The following ACSF3 variants were observed in gnomAD, a reference collection of about 807,000 sequenced individuals.
The protein encoded by ACSF3 is malonate--CoA ligase ACSF3, mitochondrial.
ACSF3 carries 78 observed loss-of-function variants against 53.2 expected under a neutral mutation model. The observed-to-expected ratio is 1.47, with a 90% CI of 1.22 to 1.77. The LOEUF (loss-of-function observed/expected upper bound fraction) is 1.77, where lower values mean the gene tolerates loss of function less well. ACSF3 is among the 40% of genes most tolerant of loss of function. ACSF3 has a pLI of 0.00. For missense variants in ACSF3, 937 were observed against 771.1 expected (o/e 1.22, Z -2.55); for synonymous variants, 414 against 333.1 (o/e 1.24, Z -2.65).
At chr16:89,108,279 G>A (rs993883372) in intron 4 of ACSF3, among the ~76,000 whole-genome samples, 3 of 152,108 alleles carry the variant, frequency 2.0e-5, no homozygotes, top group Non-Finnish European at 4.4e-5. Context: ...TCCTCTTCTG[G>A]TGCCTTCATT....
intron 7 of ACSF3, among the ~76,000 whole-genome samples, chr16:89,127,618 C>T (rs956592717): frequency 2.6e-5 from 4 of 152,084 alleles, no homozygotes; most frequent in Admixed American, 1.3e-4. Context: ...TCTCCCTCCT[C>T]GCCTCCCAAA....
rs201055955 is a variant in ACSF3, at chr16:89,145,918, A to G, written c.1502-20A>G. On this transcript the variant is annotated intron_variant, in intron 9 of 10. Coordinates refer to ENST00000614302, the MANE Select transcript of ACSF3 (RefSeq NM_001243279.3). ...TCACTGAGGCATCCCCATGTTCTCA[A>G]ACTGTTCTTCTATCCGCAGATGTGG... 10 of 1,607,644 alleles carry G rather than the reference A, an allele frequency of 6.2e-6. No individual in the cohort carries two copies. In the South Asian group the frequency reaches 8.8e-5, roughly 14 times the overall value.
chr16:89,122,471 T>G (rs1215179188), intron 7 of ACSF3: 5 of 429,332 alleles, frequency 1.2e-5, no homozygotes, highest in Non-Finnish European at 2.3e-5. Flanking sequence ...CATCTCAGGT[T>G]CCTGAATACA....
intron 7 of ACSF3, chr16:89,122,368 CT>C (rs1567714068): frequency 4.5e-6 from 2 of 442,478 alleles, no homozygotes; most frequent in Admixed American, 2.4e-5. Flanking sequence ...CCCCTGCCCT[CT>C]GTAGGGCCCC....
intron 6 of ACSF3, among the ~76,000 whole-genome samples, chr16:89,120,305 C>T (rs182369194): frequency 1.3e-5 from 2 of 152,352 alleles, no homozygotes; most frequent in African/African-American, 4.8e-5. Flanking sequence ...GACAGCCCCT[C>T]CTGGGGACAT....
At chr16:89,153,868 A>T (rs1914411766) in intron 10 of ACSF3, 2 of 589,560 alleles carry the variant, frequency 3.4e-6, no homozygotes, top group East Asian at 5.8e-5. Context: ...CTGTGGTACC[A>T]GTGATAACAC....
chr16:89,138,969 C>A (rs903282383), intron 8 of ACSF3, among the ~76,000 whole-genome samples: 1 of 152,148 alleles, frequency 6.6e-6, no homozygotes, highest in African/African-American at 2.4e-5. Context: ...CCAGACTCGC[C>A]GGCTGCTGCT....
Position 89,133,027 on chromosome 16 carries a change from CGGCCCTGGGTG to C in ACSF3, c.1240-94_1240-84del, listed in dbSNP as rs762870626. On this transcript the variant is annotated intron_variant, in intron 7 of 10. Coordinates refer to ENST00000614302, the MANE Select transcript of ACSF3 (RefSeq NM_001243279.3). ...AAAGCGCTCAGTTTCAGAAAGCACG[CGGCCCTGGGTG>C]GGCCCTGGGTGGGCAGGGAGCAGCC... 3.3e-5 allele frequency: 50 copies of C among 1,503,496 alleles called. No homozygotes were observed. The East Asian group carries it at 3.6e-4, about 11-fold the overall frequency. 93.1% of individuals were successfully genotyped at this position (1,503,496 alleles called of 1,614,324 possible).
intron 4 of ACSF3, among the ~76,000 whole-genome samples, chr16:89,105,871 T>C (rs894868841): frequency 2.5e-4 from 38 of 152,330 alleles, no homozygotes; most frequent in African/African-American, 7.9e-4. Flanking sequence ...AAAGAGTGTG[T>C]TACCCTCAGG....
Position 89,123,177 on chromosome 16 carries a change from A to G in ACSF3, c.1239+2264A>G, listed in dbSNP as rs146300784. 4.4e-3 allele frequency among the ~76,000 whole-genome samples: 669 copies of G among 152,314 alleles called. 3 individuals are homozygous for G. Among genetic ancestry groups the G allele is most frequent in the Middle Eastern group, 0.01 (3 of 294 alleles). ...CGGGGCCTGGCTCCACCAGGGGCCA[A>G]GACCCTTCGTGGGGAGGAGCACAGC... On this transcript the variant is annotated intron_variant, in intron 7 of 10. Transcript: ENST00000614302.
intron 7 of ACSF3, among the ~76,000 whole-genome samples, chr16:89,124,371 G>C (rs1245280388): frequency 1.3e-5 from 2 of 148,686 alleles, no homozygotes; most frequent in Non-Finnish European, 3.0e-5. Context: ...TGTGCACACT[G>C]CATGTGTGTG....
At chr16:89,096,808 G>C (rs555209199) in intron 1 of ACSF3, among the ~76,000 whole-genome samples, 26 of 152,264 alleles carry the variant, frequency 1.7e-4, no homozygotes, top group African/African-American at 6.0e-4. Flanking sequence ...GCCCCCGTCC[G>C]TTCCTCCTGC....
At position 89,101,080 on chromosome 16, in the gene ACSF3, G is replaced by C. The variant is rs370968781; in HGVS notation, c.399G>C (p.Gln133His). ...TCTACAGGAAGCATCCCGCGGCCCA[G>C]CTGGAGTATGTCATCTGCGACTCCC... ...VPLYRKHPAAQLEYVICDSQS... is the reference protein window; with the variant it reads ...VPLYRKHPAAHLEYVICDSQS... Residue 133 changes from glutamine to histidine, a missense_variant, in exon 3 of 11, where the codon CAG becomes CAC. Coordinates refer to ENST00000614302, the MANE Select transcript of ACSF3 (RefSeq NM_001243279.3). 1.3e-5 allele frequency: 21 copies of C among 1,613,990 alleles called. No homozygotes were observed. The highest frequency in any genetic ancestry group is 1.8e-5 in the Non-Finnish European group (21 of 1,180,032).
intron 8 of ACSF3, chr16:89,141,395 G>A: frequency 1.8e-6 from 2 of 1,102,268 alleles, no homozygotes; most frequent in Non-Finnish European, 2.4e-6. Context: ...GCAAGCTCAG[G>A]GCTGGGAGGG....
intron 8 of ACSF3, among the ~76,000 whole-genome samples, chr16:89,142,171 C>T (rs555801027): frequency 2.0e-5 from 3 of 152,288 alleles, no homozygotes; most frequent in South Asian, 2.1e-4. Context: ...GGTTGGAGGC[C>T]AGGCAGGGCT....
intron 9 of ACSF3, among the ~76,000 whole-genome samples, 160 bp from the exon 10 acceptor site, chr16:89,145,778 G>A: frequency 6.6e-6 from 1 of 152,200 alleles, no homozygotes; most frequent in Non-Finnish European, 1.5e-5. Flanking sequence ...CTCCCCACAG[G>A]CCCAGCCAGC....
chr16:89,101,095 C>G lies in ACSF3; in HGVS notation c.414C>G (p.Ile138Met), dbSNP rs568882749. ...KHPAAQLEYVICDSQSSVVLA... is the reference protein window; with the variant it reads ...KHPAAQLEYVMCDSQSSVVLA... ...CCGCGGCCCAGCTGGAGTATGTCAT[C>G]TGCGACTCCCAGAGCTCTGTGGTCC... Residue 138 changes from isoleucine to methionine, a missense_variant, in exon 3 of 11, where the codon ATC becomes ATG. Transcript: ENST00000614302. The G allele has an allele frequency of 1.1e-5, 17 of 1,614,128 alleles. No homozygotes were observed. Among genetic ancestry groups the G allele is most frequent in the Admixed American group, 3.3e-5 (2 of 60,034 alleles).
chr16:89,154,086 G>A lies in ACSF3; in HGVS notation c.1614-4G>A. 1.2e-6 allele frequency: 2 copies of A among 1,612,196 alleles called. No homozygotes were observed. Among genetic ancestry groups the A allele is most frequent in the South Asian group, 2.2e-5 (2 of 90,628 alleles). On this transcript the variant is annotated splice_polypyrimidine_tract_variant and splice_region_variant and intron_variant, in intron 10 of 10. Coordinates refer to ENST00000614302, the MANE Select transcript of ACSF3 (RefSeq NM_001243279.3). ...TGCGCCTCAGGCTGTGCTTGTCTCT[G>A]CAGAAATGTCCTGGCCCCGTACGCG... is the stretch of plus-strand genomic sequence containing the variant.
At chr16:89,134,849 C>A (rs1401879820) in intron 8 of ACSF3, among the ~76,000 whole-genome samples, 1 of 152,172 alleles carries the variant, frequency 6.6e-6, no homozygotes. Context: ...GATTCTTAGT[C>A]GGCCTAGGAA....
Sources: gnomAD v4.1 joint callset for allele counts (sites outside exome capture counted in the v4.1 genomes callset) on GRCh38, gnomAD v4.1.1 for gene constraint, MANE v1.5 for transcripts, NCBI Gene and HGNC (gene_info 2026-07-23, HGNC 2026-07-21) for gene names.